Variants in NALF1 observed in about 807,000 individuals in gnomAD.
The protein encoded by NALF1 is family with sequence similarity 155 member A.
In NALF1, 3 loss-of-function variants were observed where a neutral mutation model predicts 48.4. That is an observed-to-expected ratio of 0.06 (90% CI 0.03 to 0.16). The LOEUF (loss-of-function observed/expected upper bound fraction) is 0.16. NALF1 is among the 10% of genes least tolerant of loss of function. The pLI is 1.00. For synonymous variants in NALF1, 262 were observed against 245.7 expected (o/e 1.07, Z -0.62); for missense variants, 526 against 571.5 (o/e 0.92, Z 0.81).
chr13:107,222,978 T>C (rs1880025870), intron 1 of NALF1, among the ~76,000 whole-genome samples: 1 of 152,224 alleles, frequency 6.6e-6, no homozygotes, highest in African/African-American at 2.4e-5. Flanking sequence ...ATTATTATTA[T>C]CAGTTTAATC....
At chr13:107,641,247 G>A (rs1880147244) in intron 1 of NALF1, among the ~76,000 whole-genome samples, 1 of 152,116 alleles carries the variant, frequency 6.6e-6, no homozygotes, top group African/African-American at 2.4e-5. Flanking sequence ...GCTCCCAGAG[G>A]CTAGGAAGGG....
rs147866314 is a variant in NALF1 at position 107,470,504 on chromosome 13, A to T, written c.916-259749T>A. ...CATTGCTCACTTTTGGTCCACTACC[A>T]ATAAAGTCAAAGGTTAACTGAGGTC... On this transcript the variant is annotated intron_variant, in intron 1 of 2. Transcript: ENST00000375915. Among the ~76,000 whole-genome samples the T allele has an allele frequency of 4.6e-5, 7 of 152,358 alleles. No individual in the cohort carries two copies. In the East Asian group the frequency reaches 1.4e-3, roughly 29 times the overall value.
At chr13:107,429,823 T>A (rs776509283) in intron 1 of NALF1, among the ~76,000 whole-genome samples, 3 of 152,178 alleles carry the variant, frequency 2.0e-5, no homozygotes, top group African/African-American at 7.2e-5. Flanking sequence ...TATAAATACA[T>A]GTACAATCTC....
chr13:107,337,155 A>C (rs1006191137), intron 1 of NALF1, among the ~76,000 whole-genome samples: 1 of 151,636 alleles, frequency 6.6e-6, no homozygotes, highest in Non-Finnish European at 1.5e-5. Flanking sequence ...CTGGGTGGTC[A>C]GATATTTGTT....
At chr13:107,373,582 G>A (rs573772313) in intron 1 of NALF1, among the ~76,000 whole-genome samples, 10 of 151,976 alleles carry the variant, frequency 6.6e-5, no homozygotes, top group Non-Finnish European at 1.5e-4. Flanking sequence ...TTCCTAAACA[G>A]ACTGAATAAA....
At chr13:107,681,706 C>A (rs955728816) in intron 1 of NALF1, among the ~76,000 whole-genome samples, 1 of 152,116 alleles carries the variant, frequency 6.6e-6, no homozygotes, top group Non-Finnish European at 1.5e-5. Flanking sequence ...TCTCATCCGA[C>A]GGCTGCAGGT....
chr13:107,523,466 C>T (rs1049636590), intron 1 of NALF1, among the ~76,000 whole-genome samples: 3 of 151,748 alleles, frequency 2.0e-5, no homozygotes, highest in Non-Finnish European at 4.4e-5. Flanking sequence ...TGGTGTGCTG[C>T]ACCCATTAAC....
intron 1 of NALF1, among the ~76,000 whole-genome samples, chr13:107,583,845 A>G (rs1276367698): frequency 6.6e-6 from 1 of 152,124 alleles, no homozygotes; most frequent in South Asian, 2.1e-4. Context: ...TTCCCCTGCT[A>G]CAGAATGCAG....
chr13:107,756,444 T>TATATATATATATATATATATATAC (rs201150584), intron 1 of NALF1, among the ~76,000 whole-genome samples: 22 of 150,548 alleles, frequency 1.5e-4, no homozygotes, highest in African/African-American at 4.9e-4. Context: ...GCTATATATA[T>TATATATATATATATATATATATAC]ATATATATAT....
At chr13:107,725,967 A>T (rs1048583592) in intron 1 of NALF1, among the ~76,000 whole-genome samples, 1 of 152,070 alleles carries the variant, frequency 6.6e-6, no homozygotes, top group African/African-American at 2.4e-5. Flanking sequence ...AGCAGTGACA[A>T]TTGAGTAGAC....
intron 1 of NALF1, among the ~76,000 whole-genome samples, chr13:107,481,560 T>C (rs1885254394): frequency 6.6e-6 from 1 of 152,060 alleles, no homozygotes; most frequent in Admixed American, 6.6e-5. Context: ...TGTTAGTGAG[T>C]TAAAAACGAT....
chr13:107,735,900 G>C (rs184228517), intron 1 of NALF1, among the ~76,000 whole-genome samples: 1 of 152,098 alleles, frequency 6.6e-6, no homozygotes. Flanking sequence ...TGAGAATTGT[G>C]CATTCTTGAG....
intron 1 of NALF1, among the ~76,000 whole-genome samples, chr13:107,683,407 A>G (rs938179257): frequency 2.0e-5 from 3 of 152,234 alleles, no homozygotes; most frequent in Non-Finnish European, 4.4e-5. Context: ...TTCCCATGCC[A>G]TATCTGCCTA....
At chr13:107,586,585 A>G in intron 1 of NALF1, among the ~76,000 whole-genome samples, 1 of 149,520 alleles carries the variant, frequency 6.7e-6, no homozygotes, top group Non-Finnish European at 1.5e-5. Context: ...TATTTTCAAA[A>G]AGTAATCACT....
At chr13:107,765,019 G>A (rs760893833) in intron 1 of NALF1, among the ~76,000 whole-genome samples, 3 of 152,110 alleles carry the variant, frequency 2.0e-5, no homozygotes, top group Non-Finnish European at 4.4e-5. Context: ...TCCTTGCTAA[G>A]TCCTCTCTAA....
intron 1 of NALF1, among the ~76,000 whole-genome samples, chr13:107,754,150 T>C (rs1877017356): frequency 6.6e-6 from 1 of 152,218 alleles, no homozygotes; most frequent in African/African-American, 2.4e-5. Flanking sequence ...AGGAACTCTT[T>C]CATTCTGATA....
intron 1 of NALF1, among the ~76,000 whole-genome samples, chr13:107,865,336 C>T (rs1880680668): frequency 1.3e-5 from 2 of 152,158 alleles, no homozygotes; most frequent in African/African-American, 2.4e-5. Context: ...AGTCTCATTG[C>T]TATTTTCCTG....
At chr13:107,280,507 A>AATG (rs1881366078) in intron 1 of NALF1, among the ~76,000 whole-genome samples, 1 of 152,316 alleles carries the variant, frequency 6.6e-6, no homozygotes, top group African/African-American at 2.4e-5. Flanking sequence ...TCATTGACTG[A>AATG]ATGATACATG....
intron 1 of NALF1, among the ~76,000 whole-genome samples, chr13:107,228,112 C>T (rs958875146): frequency 3.9e-5 from 6 of 152,122 alleles, no homozygotes; most frequent in Admixed American, 2.6e-4. Flanking sequence ...TTTCGATTAA[C>T]AATTGTATCA....
Sources: gnomAD v4.1 joint callset for allele counts (sites outside exome capture counted in the v4.1 genomes callset) on GRCh38, gnomAD v4.1.1 for gene constraint, MANE v1.5 for transcripts, NCBI Gene and HGNC (gene_info 2026-07-23, HGNC 2026-07-21) for gene names.